Variants in THSD7B observed in about 807,000 individuals in gnomAD.
THSD7B encodes the protein thrombospondin type 1 domain containing 7B.
THSD7B carries 138 observed loss-of-function variants against 213.6 expected under a neutral mutation model. The ratio of observed to expected loss-of-function variants is 0.65; its 90% CI spans 0.56 to 0.74. The LOEUF (loss-of-function observed/expected upper bound fraction) is 0.74. Among genes scored for constraint, THSD7B ranks in the 30% least tolerant of loss-of-function variants. The probability of loss-of-function intolerance (pLI) is 0.00; values close to 1 mark genes in which losing one functional copy is unlikely to be tolerated. For synonymous variants in THSD7B, 742 were observed against 687.0 expected (o/e 1.08, Z -1.25); for missense variants, 1,931 against 1,991.5 (o/e 0.97, Z 0.58).
rs200478098 is a variant in THSD7B, at chr2:137,572,451, C to T, written c.3318C>T (p.Asn1106=). The change falls in exon 17 of 28, where the codon AAC becomes AAT. Residue 1106 remains asparagine, a synonymous_variant. Coordinates refer to ENST00000409968, the MANE Select transcript of THSD7B (RefSeq NM_001316349.2). ...GTGAAGGTGGAGCAGTGGATAGCAA[C>T]CTGTGCAACCAGGATGAAATTCCCC... The part of the protein sequence containing the change: ...ADGEGGAVDS[N]LCNQDEIPPE... 1.2e-6 allele frequency: 2 copies of T among 1,613,902 alleles called. No homozygotes were observed. The highest frequency in any genetic ancestry group is 1.3e-5 in the African/African-American group (1 of 75,020).
intron 12 of THSD7B, among the ~76,000 whole-genome samples, chr2:137,337,028 A>G (rs1684653584): frequency 1.3e-5 from 2 of 151,652 alleles, no homozygotes; most frequent in South Asian, 2.1e-4. Flanking sequence ...TTAACATCTT[A>G]TGTGAGAATA....
chr2:136,774,072 A>G (rs1445275825), intron 1 of THSD7B, among the ~76,000 whole-genome samples: 4 of 152,014 alleles, frequency 2.6e-5, no homozygotes, highest in South Asian at 4.1e-4. Context: ...CTCTTCATAC[A>G]TAGTATGAAA....
In THSD7B at chr2:137,033,358, G is replaced by A. The variant is rs563317639; in HGVS notation, c.140-23062G>A. ...AGCAGGCTAGCTCAGGCCGGTTCAGGTGGCAGTAGCAAGGTTCTAACACAG... is the reference window on the plus strand; with the variant it reads ...AGCAGGCTAGCTCAGGCCGGTTCAGATGGCAGTAGCAAGGTTCTAACACAG... On this transcript the variant is annotated intron_variant, in intron 2 of 27. Coordinates refer to ENST00000409968, the MANE Select transcript of THSD7B (RefSeq NM_001316349.2). Among the ~76,000 whole-genome samples the A allele has an allele frequency of 3.3e-5, 5 of 152,334 alleles. No homozygotes were observed. The South Asian group carries it at 8.3e-4, about 25-fold the overall frequency.
chr2:137,238,420 G>A (rs1379007879), intron 9 of THSD7B, among the ~76,000 whole-genome samples: 1 of 151,598 alleles, frequency 6.6e-6, no homozygotes, highest in Non-Finnish European at 1.5e-5. Flanking sequence ...AATTAATAAG[G>A]GACTTAGGAG....
intron 14 of THSD7B, among the ~76,000 whole-genome samples, chr2:137,441,637 A>G (rs1466269243): frequency 1.3e-5 from 2 of 152,146 alleles, no homozygotes; most frequent in South Asian, 2.1e-4. Flanking sequence ...TTAAGGGGCT[A>G]TTATAATAGT....
intron 10 of THSD7B, among the ~76,000 whole-genome samples, chr2:137,252,018 C>T (rs1360575795): frequency 3.3e-5 from 5 of 151,984 alleles, no homozygotes; most frequent in African/African-American, 9.7e-5. Flanking sequence ...CCTGTAATAC[C>T]AGCCCTTGGG....
intron 1 of THSD7B, among the ~76,000 whole-genome samples, chr2:136,786,387 A>G (rs1681849116): frequency 6.6e-6 from 1 of 152,110 alleles, no homozygotes; most frequent in South Asian, 2.1e-4. Flanking sequence ...AAAGAGGACC[A>G]TGTATTGTTT....
intron 14 of THSD7B, among the ~76,000 whole-genome samples, chr2:137,422,113 A>C (rs1686941984): frequency 6.6e-6 from 1 of 152,208 alleles, no homozygotes; most frequent in Non-Finnish European, 1.5e-5. Flanking sequence ...AAGCATTCGC[A>C]GAGTGTTATT....
chr2:137,590,080 G>C (rs1681831600), intron 17 of THSD7B, among the ~76,000 whole-genome samples: 2 of 151,510 alleles, frequency 1.3e-5, no homozygotes, highest in African/African-American at 4.9e-5. Context: ...CAGTACCTGT[G>C]CTTCACTTTT....
At chr2:137,039,669 G>A (rs1307536999) in intron 2 of THSD7B, among the ~76,000 whole-genome samples, 1 of 152,154 alleles carries the variant, frequency 6.6e-6, no homozygotes, top group Non-Finnish European at 1.5e-5. Flanking sequence ...CCTACAAGAT[G>A]AGATCATTGA....
chr2:137,137,847 G>A (rs1207459261), intron 5 of THSD7B, among the ~76,000 whole-genome samples: 1 of 151,918 alleles, frequency 6.6e-6, no homozygotes, highest in Admixed American at 6.6e-5. Context: ...TCTTCTTGAA[G>A]GGCATCAGGG....
At chr2:136,900,678 C>A (rs1174214669) in intron 2 of THSD7B, among the ~76,000 whole-genome samples, 1 of 152,122 alleles carries the variant, frequency 6.6e-6, no homozygotes, top group East Asian at 1.9e-4. Context: ...TCTTTACATA[C>A]CACTCACTTT....
At chr2:137,084,049 T>A (rs1487730855) in intron 3 of THSD7B, among the ~76,000 whole-genome samples, 1 of 152,136 alleles carries the variant, frequency 6.6e-6, no homozygotes, top group Non-Finnish European at 1.5e-5. Context: ...AATTAGGGAC[T>A]TTACTCTTAT....
chr2:137,076,989 C>T (rs1466181080), intron 3 of THSD7B, among the ~76,000 whole-genome samples: 1 of 110,326 alleles, frequency 9.1e-6, no homozygotes, highest in Non-Finnish European at 1.7e-5. Flanking sequence ...CCCCACCCCA[C>T]AACAGGCCCC....
At chr2:137,194,739 C>T (rs10180812) in intron 7 of THSD7B, among the ~76,000 whole-genome samples, 1 of 152,088 alleles carries the variant, frequency 6.6e-6, no homozygotes. Flanking sequence ...ATACATGTAC[C>T]TGAACACTAC....
At chr2:136,961,868 T>C (rs945038171) in intron 2 of THSD7B, among the ~76,000 whole-genome samples, 1 of 152,180 alleles carries the variant, frequency 6.6e-6, no homozygotes, top group Non-Finnish European at 1.5e-5. Context: ...ATTTCTTAGA[T>C]TTTGTAACAT....
At chr2:137,416,579 G>T (rs554742974) in intron 14 of THSD7B, among the ~76,000 whole-genome samples, 1 of 152,230 alleles carries the variant, frequency 6.6e-6, no homozygotes, top group East Asian at 1.9e-4. Flanking sequence ...CCTATCACAG[G>T]CTCTGGCCCC....
chr2:137,515,198 A>G (rs893265948), intron 15 of THSD7B, among the ~76,000 whole-genome samples: 1 of 152,148 alleles, frequency 6.6e-6, no homozygotes, highest in Non-Finnish European at 1.5e-5. Context: ...GACCCTGATG[A>G]AGCTGGAGAC....
At chr2:137,283,898 A>T (rs1209487314) in intron 12 of THSD7B, among the ~76,000 whole-genome samples, 1 of 152,094 alleles carries the variant, frequency 6.6e-6, no homozygotes, top group Non-Finnish European at 1.5e-5. Flanking sequence ...TGGTATCAGG[A>T]TGATGCTGGC....
Sources: allele counts gnomAD v4.1 joint callset (sites outside exome capture counted in the v4.1 genomes callset), GRCh38; gene constraint gnomAD v4.1.1; transcripts MANE v1.5; gene names NCBI Gene and HGNC (gene_info 2026-07-23, HGNC 2026-07-21).